PPP4R2: variants seen among roughly 807,000 people sequenced by gnomAD.
PPP4R2 encodes the protein protein phosphatase 4 regulatory subunit 2.
In PPP4R2, 13 loss-of-function variants were observed where a neutral mutation model predicts 47.2. That is an observed-to-expected ratio of 0.28 (90% CI 0.18 to 0.44). The LOEUF (loss-of-function observed/expected upper bound fraction) is 0.44, where lower values mean the gene tolerates loss of function less well. Ranked by LOEUF, PPP4R2 falls within the 20% of genes least tolerant of loss-of-function variation. The probability of loss-of-function intolerance (pLI) is 1.00; values close to 1 mark genes in which losing one functional copy is unlikely to be tolerated. For missense variants in PPP4R2, 421 were observed against 491.2 expected, an observed-to-expected ratio of 0.86 and a Z score of 1.35; for synonymous variants, 151 against 163.3, an observed-to-expected ratio of 0.92 and a Z score of 0.57.
chr3:73,010,318 G>A (rs1416268822), intron 2 of PPP4R2, among the ~76,000 whole-genome samples: 2 of 151,466 alleles, frequency 1.3e-5, no homozygotes, highest in African/African-American at 4.9e-5. Flanking sequence ...GACCTCCCGG[G>A]CTTAAATGAT....
intron 2 of PPP4R2, among the ~76,000 whole-genome samples, chr3:73,018,428 G>GTTTGTTATGTTAT (rs1559551894): frequency 5.0e-5 from 5 of 99,056 alleles, no homozygotes; most frequent in African/African-American, 1.8e-4. Flanking sequence ...GTTATGTTAT[G>GTTTGTTATGTTAT]TTATGTTATG....
intron 2 of PPP4R2, among the ~76,000 whole-genome samples, chr3:73,004,861 G>A (rs144701518): frequency 1.9e-5 from 1 of 51,820 alleles, no homozygotes; most frequent in African/African-American, 1.2e-4. Flanking sequence ...GTGTGTGTGT[G>A]TGTGTGTGTT....
At chr3:73,042,755 T>C (rs1426348827) in intron 2 of PPP4R2, among the ~76,000 whole-genome samples, 1 of 152,202 alleles carries the variant, frequency 6.6e-6, no homozygotes, top group East Asian at 1.9e-4. Context: ...TCACATTTTA[T>C]GAATGCCCTC....
chr3:73,061,145 CTG>C, intron 5 of PPP4R2, 85 bp downstream of exon 5: 1 of 595,684 alleles, frequency 1.7e-6, no homozygotes, highest in Non-Finnish European at 2.7e-6. Flanking sequence ...TTAAAATAGA[CTG>C]AATTTATTTA....
rs1409586758 is a variant in PPP4R2, at chr3:73,065,788, T to C, written c.*66T>C. On this transcript the variant is annotated 3_prime_UTR_variant, in exon 9 of 9. Transcript: ENST00000356692. Reference sequence around the variant, plus strand: ...CTGGTTTTAACACTGTATAAAACTTTTGTGTAATAAAATGGACCTTTAGTT... The same window carrying C: ...CTGGTTTTAACACTGTATAAAACTTCTGTGTAATAAAATGGACCTTTAGTT... The C allele has an allele frequency of 4.0e-5, 44 of 1,110,360 alleles. No homozygotes were observed. The highest frequency in any genetic ancestry group is 2.4e-4 in the African/African-American group (15 of 63,122). 68.8% of individuals were successfully genotyped at this position (1,110,360 alleles called of 1,614,324 possible).
intron 2 of PPP4R2, among the ~76,000 whole-genome samples, chr3:73,020,204 A>G (rs1701930300): frequency 6.6e-6 from 1 of 151,780 alleles, no homozygotes; most frequent in Admixed American, 6.6e-5. Flanking sequence ...TTTTTGTTTC[A>G]TTTGTTTTTG....
intron 2 of PPP4R2, among the ~76,000 whole-genome samples, chr3:73,004,519 A>G (rs1015032611): frequency 6.6e-6 from 1 of 152,036 alleles, no homozygotes; most frequent in African/African-American, 2.4e-5. Context: ...GCAGTGATGC[A>G]ATCTTGGTTC....
intron 2 of PPP4R2, among the ~76,000 whole-genome samples, chr3:73,001,228 T>G (rs1701450472): frequency 1.3e-5 from 2 of 152,094 alleles, no homozygotes; most frequent in Non-Finnish European, 2.9e-5. Flanking sequence ...TACAGCGTTT[T>G]AAAAAGTTTT....
In PPP4R2 at chr3:73,065,760, G is replaced by A; in HGVS notation, c.*38G>A. Reference sequence around the variant, plus strand: ...ATTTAGATGCAGTATTTTACATACAGTTCTGGTTTTAACACTGTATAAAAC... The same window carrying A: ...ATTTAGATGCAGTATTTTACATACAATTCTGGTTTTAACACTGTATAAAAC... On this transcript the variant is annotated 3_prime_UTR_variant, in exon 9 of 9. Transcript: ENST00000356692. 2 of 1,431,902 alleles carry A rather than the reference G, an allele frequency of 1.4e-6. No homozygotes were observed. The highest frequency in any genetic ancestry group is 1.9e-6 in the Non-Finnish European group (2 of 1,053,934). The allele number at this position is 1,431,902 out of a possible 1,614,324, so 88.7% of individuals were successfully genotyped here. A position where few individuals can be genotyped will look rare whatever the true frequency, so the allele number is the denominator to read the frequency against.
chr3:73,062,872 CT>C, intron 5 of PPP4R2: 1 of 1,613,440 alleles, frequency 6.2e-7, no homozygotes, highest in Non-Finnish European at 8.5e-7. Flanking sequence ...TTTGAATCCC[CT>C]CTACACAAGC....
intron 3 of PPP4R2, among the ~76,000 whole-genome samples, chr3:73,058,251 A>G (rs1469690095): frequency 6.6e-6 from 1 of 152,132 alleles, no homozygotes; most frequent in Non-Finnish European, 1.5e-5. Context: ...TAGATTATAT[A>G]TGAAATTGCA....
Position 72,996,830 on chromosome 3 carries a change from T to TGGTGGTAGCGGCTTGGGGA in PPP4R2, c.-203_-185dup. ...CGTACCGGGCGCCATGTTGGAGGGT[T>TGGTGGTAGCGGCTTGGGGA]GGTGGTAGCGGCTTGGGGAGGTGCT... is the stretch of plus-strand genomic sequence containing the variant. On this transcript the variant is annotated 5_prime_UTR_variant, in exon 1 of 9. Coordinates refer to ENST00000356692, the MANE Select transcript of PPP4R2 (RefSeq NM_174907.4). The TGGTGGTAGCGGCTTGGGGA allele has an allele frequency of 2.5e-6, 1 of 393,298 alleles. No individual in the cohort carries two copies. The highest frequency in any genetic ancestry group is 4.5e-6 in the Non-Finnish European group (1 of 220,126). The allele number at this position is 393,298 out of a possible 1,614,324, so 24.4% of individuals were successfully genotyped here. A position where few individuals can be genotyped will look rare whatever the true frequency, so the allele number is the denominator to read the frequency against.
At chr3:73,008,267 T>C (rs1459850586) in intron 2 of PPP4R2, among the ~76,000 whole-genome samples, 1 of 152,216 alleles carries the variant, frequency 6.6e-6, no homozygotes, top group Admixed American at 6.5e-5. Flanking sequence ...TCAGTAAATA[T>C]AAGTTGAATA....
At chr3:73,031,671 C>A (rs1702166276) in intron 2 of PPP4R2, among the ~76,000 whole-genome samples, 1 of 152,146 alleles carries the variant, frequency 6.6e-6, no homozygotes. Flanking sequence ...TTTAAAGTGC[C>A]TTTAGAAGTA....
At position 73,065,011 on chromosome 3, in the gene PPP4R2, C is replaced by G; in HGVS notation, c.798C>G (p.Ser266Arg). The change falls in exon 8 of 9, where the codon AGC (serine) becomes AGG (arginine). Residue 266 changes from serine to arginine, a missense_variant. By Grantham distance (110) the Ser-to-Arg change is moderately radical. Coordinates refer to ENST00000356692, the MANE Select transcript of PPP4R2 (RefSeq NM_174907.4). ...AAACAGCCAGTCAAACGACTTCCAG[C>G]GAAATTTCTTCAGTTATGGTAGGAG... Reference protein sequence around the residue: ...VRETASQTTSSEISSVMVGET... With the variant: ...VRETASQTTSREISSVMVGET... 6.2e-7 allele frequency: 1 copy of G among 1,613,736 alleles called. No individual in the cohort carries two copies. The highest frequency in any genetic ancestry group is 8.5e-7 in the Non-Finnish European group (1 of 1,179,824).
intron 2 of PPP4R2, among the ~76,000 whole-genome samples, chr3:73,023,018 T>A (rs1014949103): frequency 7.2e-5 from 11 of 152,224 alleles, no homozygotes; most frequent in African/African-American, 2.6e-4. Flanking sequence ...ATTTAGTTGG[T>A]ATTGTTTGCT....
chr3:73,052,901 A>G (rs936576222), intron 3 of PPP4R2, among the ~76,000 whole-genome samples: 5 of 152,238 alleles, frequency 3.3e-5, no homozygotes, highest in Non-Finnish European at 4.4e-5. Flanking sequence ...CACAGCTGAG[A>G]GTACTGCTCA....
rs147380882 is a variant in PPP4R2 at position 73,018,817 on chromosome 3, A to C, written c.116+20659A>C. ...CTGTTCAGATGGCCCCCATTCAAAT[A>C]TATATTATTTACTGAGAAGTTTTCT... On this transcript the variant is annotated intron_variant, in intron 2 of 8. Coordinates refer to ENST00000356692, the MANE Select transcript of PPP4R2 (RefSeq NM_174907.4). Among the ~76,000 whole-genome samples the C allele has an allele frequency of 7.2e-4, 109 of 152,258 alleles. 1 individual carries two copies. The highest frequency in any genetic ancestry group is 2.5e-3 in the African/African-American group (104 of 41,526).
Position 73,064,213 on chromosome 3 carries a change from T to C in PPP4R2, c.638+67T>C, listed in dbSNP as rs1702935439. On this transcript the variant is annotated intron_variant, in intron 7 of 8. Transcript: ENST00000356692. ...GTTAAAGTTAACATTTAATCAGTACTTATCACTTACTATTTATAAGTTCTG... is the reference window on the plus strand; with the variant it reads ...GTTAAAGTTAACATTTAATCAGTACCTATCACTTACTATTTATAAGTTCTG... The C allele has an allele frequency of 3.0e-6, 4 of 1,328,116 alleles. No homozygotes were observed. The African/African-American group carries it at 6.0e-5, about 20-fold the overall frequency. The allele number at this position is 1,328,116 out of a possible 1,614,324, so 82.3% of individuals were successfully genotyped here. A position where few individuals can be genotyped will look rare whatever the true frequency, so the allele number is the denominator to read the frequency against.
Sources: gnomAD v4.1 joint callset for allele counts (sites outside exome capture counted in the v4.1 genomes callset) on GRCh38, gnomAD v4.1.1 for gene constraint, MANE v1.5 for transcripts, NCBI Gene and HGNC (gene_info 2026-07-23, HGNC 2026-07-21) for gene names.